The following SLC35D4 variants were observed in gnomAD, a reference collection of about 807,000 sequenced individuals.
SLC35D4 encodes the protein UDP-N-acetylglucosamine transporter SLC35D4.
the SLC35D4 span, among the ~76,000 whole-genome samples, chr18:23,266,602 T>G: frequency 6.6e-6 from 1 of 152,164 alleles, no homozygotes; most frequent in Non-Finnish European, 1.5e-5. Context: ...AGAGGCACAG[T>G]GGTCTCTTCA....
the SLC35D4 span, among the ~76,000 whole-genome samples, chr18:23,397,724 G>C: frequency 6.6e-6 from 1 of 152,128 alleles, no homozygotes; most frequent in South Asian, 2.1e-4. Flanking sequence ...TGGCCCTAAA[G>C]AAACAATTCT....
At chr18:23,268,033 G>A in the SLC35D4 span, among the ~76,000 whole-genome samples, 1 of 152,196 alleles carries the variant, frequency 6.6e-6, no homozygotes, top group Non-Finnish European at 1.5e-5. Context: ...GGTTCCCAGA[G>A]CCCACATGCT....
the SLC35D4 span, among the ~76,000 whole-genome samples, chr18:23,291,103 G>A: frequency 2.6e-4 from 39 of 152,344 alleles, no homozygotes; most frequent in South Asian, 5.0e-3. Flanking sequence ...TTGAGCCAAT[G>A]GCTAAGGGCT....
the SLC35D4 span, among the ~76,000 whole-genome samples, chr18:23,282,882 T>TA: frequency 6.6e-6 from 1 of 151,934 alleles, no homozygotes; most frequent in African/African-American, 2.4e-5. Context: ...GACATACAGA[T>TA]AGGGGGCACC....
chr18:23,394,858 C>A, the SLC35D4 span, among the ~76,000 whole-genome samples: 1 of 151,702 alleles, frequency 6.6e-6, no homozygotes, highest in African/African-American at 2.4e-5. Flanking sequence ...TGGTGCATGC[C>A]TGTAACCCCA....
chr18:23,371,935 G>GTTGTTTTTTT, the SLC35D4 span, among the ~76,000 whole-genome samples: 1 of 35,482 alleles, frequency 2.8e-5, no homozygotes, highest in Non-Finnish European at 4.9e-5. Context: ...TGTTTTTTTT[G>GTTGTTTTTTT]TTTTTTTTTT....
At chr18:23,365,543 G>T in the SLC35D4 span, 1 of 1,474,680 alleles carries the variant, frequency 6.8e-7, no homozygotes, top group Non-Finnish European at 9.3e-7. Context: ...GCAATGACAT[G>T]CTCTTATGAA....
At chr18:23,262,824 A>G in the SLC35D4 span, among the ~76,000 whole-genome samples, 1 of 152,258 alleles carries the variant, frequency 6.6e-6, no homozygotes, top group South Asian at 2.1e-4. Flanking sequence ...AGTGAAGACC[A>G]AGAAACCAGA....
chr18:23,289,762 G>T, the SLC35D4 span, among the ~76,000 whole-genome samples: 21,558 of 151,904 alleles, frequency 0.14, 1,896 homozygotes, highest in African/African-American at 0.24. Context: ...AGTGAAAATG[G>T]CCTGTTCCTG....
chr18:23,431,030 T>C, the SLC35D4 span, among the ~76,000 whole-genome samples: 1 of 151,588 alleles, frequency 6.6e-6, no homozygotes, highest in African/African-American at 2.4e-5. Flanking sequence ...GGTGCGCACA[T>C]GTAGTCCCAG....
the SLC35D4 span, chr18:23,352,049 G>A: frequency 8.9e-6 from 5 of 563,272 alleles, no homozygotes; most frequent in South Asian, 6.3e-5. Flanking sequence ...CTCAGAAATC[G>A]TTACCTGAAT....
chr18:23,282,546 T>G, the SLC35D4 span, among the ~76,000 whole-genome samples: 2 of 152,266 alleles, frequency 1.3e-5, no homozygotes, highest in Non-Finnish European at 1.5e-5. Flanking sequence ...TGCTGTTGGG[T>G]CCGAGGATCC....
the SLC35D4 span, among the ~76,000 whole-genome samples, chr18:23,353,335 T>C: frequency 6.6e-6 from 1 of 152,114 alleles, no homozygotes; most frequent in South Asian, 2.1e-4. Context: ...CAGGCACTGG[T>C]GCGCAGCTCC....
the SLC35D4 span, among the ~76,000 whole-genome samples, chr18:23,391,896 G>T: frequency 6.6e-6 from 1 of 151,718 alleles, no homozygotes; most frequent in Non-Finnish European, 1.5e-5. Context: ...AAATCTCTCT[G>T]TGACATCATC....
chr18:23,365,237 G>A, the SLC35D4 span, among the ~76,000 whole-genome samples: 1 of 152,154 alleles, frequency 6.6e-6, no homozygotes, highest in African/African-American at 2.4e-5. Flanking sequence ...TGCTCCTGAA[G>A]TTATCACCAA....
the SLC35D4 span, among the ~76,000 whole-genome samples, chr18:23,324,890 A>C: frequency 6.6e-6 from 1 of 152,234 alleles, no homozygotes; most frequent in Admixed American, 6.5e-5. Flanking sequence ...AAAAAATCAT[A>C]GTTTAAAATC....
the SLC35D4 span, among the ~76,000 whole-genome samples, chr18:23,416,564 T>C: frequency 1.3e-5 from 2 of 152,150 alleles, no homozygotes; most frequent in African/African-American, 4.8e-5. Flanking sequence ...GGGTGCTGGA[T>C]CCTTCTGCTA....
the SLC35D4 span, among the ~76,000 whole-genome samples, chr18:23,402,312 T>A: frequency 4.6e-5 from 7 of 152,206 alleles, no homozygotes; most frequent in African/African-American, 7.2e-5. Context: ...TTTATATTGT[T>A]TCAAAGTACC....
chr18:23,434,210 C>A, the SLC35D4 span, among the ~76,000 whole-genome samples: 1 of 152,180 alleles, frequency 6.6e-6, no homozygotes, highest in Admixed American at 6.5e-5. Flanking sequence ...CATCTCCTCT[C>A]CTCCACTCTC....
Sources: gnomAD v4.1 joint callset for allele counts (sites outside exome capture counted in the v4.1 genomes callset) on GRCh38, gnomAD v4.1.1 for gene constraint, MANE v1.5 for transcripts, NCBI Gene and HGNC (gene_info 2026-07-23, HGNC 2026-07-21) for gene names.